Variants in LUC7L3 observed in about 807,000 individuals in gnomAD.
The protein encoded by LUC7L3 is LUC7 like 3 pre-mRNA splicing factor, also known as luc7-like protein 3.
A neutral mutation model predicts 66.8 loss-of-function variants in LUC7L3; 6 were observed. The observed-to-expected ratio is 0.09, with a 90% confidence interval of 0.05 to 0.18. The LOEUF is 0.18. Ranked by LOEUF, LUC7L3 falls within the 10% of genes least tolerant of loss-of-function variation. LUC7L3 has a pLI of 1.00. For missense variants in LUC7L3, 341 were observed against 531.1 expected (o/e 0.64, Z 3.52); for synonymous variants, 160 against 174.7 (o/e 0.92, Z 0.66).
chr17:50,748,362 G>A (rs2143055021), intron 9 of LUC7L3: 1 of 152,148 alleles, frequency 6.6e-6, no homozygotes, highest in East Asian at 1.9e-4. Context: ...TGTCACCCAG[G>A]CTGAGTGCAG....
At chr17:50,750,430 CT>C (rs758072465) in intron 9 of LUC7L3, 70 bp from the exon 10 acceptor site, 2 of 1,449,762 alleles carry the variant, frequency 1.4e-6, no homozygotes, top group South Asian at 1.3e-5. Flanking sequence ...AGTTGTTTCA[CT>C]TTTTTTCAAA....
At position 50,752,276 on chromosome 17, in the gene LUC7L3, AAG is replaced by A. The variant is rs1304132793; in HGVS notation, c.*1617_*1618del. ...GATCGACATTTAAAAAATGAGGTGA[AAG>A]AAAGCTATAGTGGCATAGAAAAAGT... On this transcript the variant is annotated 3_prime_UTR_variant, in exon 10 of 10. Transcript: ENST00000505658. 12 of 1,227,570 alleles carry A rather than the reference AAG, an allele frequency of 9.8e-6. No individual in the cohort carries two copies. The African/African-American group carries it at 1.9e-4, about 19-fold the overall frequency. 76.0% of individuals were successfully genotyped at this position (1,227,570 alleles called of 1,614,324 possible). A position where few individuals can be genotyped will look rare whatever the true frequency, so the allele number is the denominator to read the frequency against.
At chr17:50,750,426 T>A (rs1244572499) in intron 9 of LUC7L3, 75 bp from the exon 10 acceptor site, 1 of 1,385,738 alleles carries the variant, frequency 7.2e-7, no homozygotes, top group Non-Finnish European at 9.9e-7. Context: ...TCTCAGTTGT[T>A]TCACTTTTTT....
Position 50,752,305 on chromosome 17 carries a change from T to C in LUC7L3, c.*1644T>C. 1.0e-6 allele frequency: 1 copy of C among 983,884 alleles called. No individual in the cohort carries two copies. Among genetic ancestry groups the C allele is most frequent in the Middle Eastern group, 2.6e-4 (1 of 3,784 alleles). 60.9% of individuals were successfully genotyped at this position (983,884 alleles called of 1,614,324 possible). A position where few individuals can be genotyped will look rare whatever the true frequency, so the allele number is the denominator to read the frequency against. On this transcript the variant is annotated 3_prime_UTR_variant, in exon 10 of 10. Transcript: ENST00000505658. ...AAGCTATAGTGGCATAGAAAAAGTATAAAGCTCAGTTAGTTTTTTTATTAT... is the reference window on the plus strand; with the variant it reads ...AAGCTATAGTGGCATAGAAAAAGTACAAAGCTCAGTTAGTTTTTTTATTAT...
intron 5 of LUC7L3, among the ~76,000 whole-genome samples, chr17:50,743,048 T>G (rs1167915956): frequency 6.6e-6 from 1 of 152,176 alleles, no homozygotes; most frequent in African/African-American, 2.4e-5. Flanking sequence ...AAAGCAGATC[T>G]GTGGTTGCCT....
intron 2 of LUC7L3, 36 bp from the exon 3 acceptor site, chr17:50,740,270 C>A: frequency 2.7e-6 from 4 of 1,483,614 alleles, no homozygotes; most frequent in East Asian, 2.3e-5. Flanking sequence ...TGCTAATAAT[C>A]ACAGATAATT....
At chr17:50,740,447 G>C in intron 3 of LUC7L3, 102 bp downstream of exon 3, 3 of 1,122,264 alleles carry the variant, frequency 2.7e-6, no homozygotes, top group Non-Finnish European at 3.9e-6. Context: ...ATGAGTGTCT[G>C]AGAGAAGTCC....
intron 1 of LUC7L3, among the ~76,000 whole-genome samples, chr17:50,732,256 C>T (rs571602847): frequency 1.3e-5 from 2 of 152,270 alleles, no homozygotes; most frequent in South Asian, 4.1e-4. Context: ...TGGAGTTAAT[C>T]GGAAGTCAGC....
At chr17:50,741,822 T>G in intron 5 of LUC7L3, 91 bp downstream of exon 5, 1 of 992,262 alleles carries the variant, frequency 1.0e-6, no homozygotes, top group Non-Finnish European at 1.6e-6. Context: ...TGGTAACTCA[T>G]GTGTATAATC....
Position 50,753,836 on chromosome 17 carries a change from A to G in LUC7L3, c.*3175A>G, listed in dbSNP as rs575496827. 6.6e-6 allele frequency: 1 copy of G among 152,190 alleles called. No individual in the cohort carries two copies. The highest frequency in any genetic ancestry group is 1.5e-5 in the Non-Finnish European group (1 of 68,028). The allele number at this position is 152,190 out of a possible 1,614,324, so 9.4% of individuals were successfully genotyped here. A position where few individuals can be genotyped will look rare whatever the true frequency, so the allele number is the denominator to read the frequency against. ...ATCAACGTCTAACTAACTTAAATGAAGTATAATAAATGAGTTCATATGAAA... is the reference window on the plus strand; with the variant it reads ...ATCAACGTCTAACTAACTTAAATGAGGTATAATAAATGAGTTCATATGAAA... On this transcript the variant is annotated 3_prime_UTR_variant, in exon 10 of 10. Coordinates refer to ENST00000505658, the MANE Select transcript of LUC7L3 (RefSeq NM_016424.5).
intron 2 of LUC7L3, among the ~76,000 whole-genome samples, chr17:50,739,000 G>A (rs908036327): frequency 6.6e-6 from 1 of 152,088 alleles, no homozygotes. Context: ...ACATCCTCAG[G>A]GTGCTGAGTG....
intron 1 of LUC7L3, among the ~76,000 whole-genome samples, chr17:50,729,932 A>G (rs1439590553): frequency 6.8e-4 from 22 of 32,378 alleles, no homozygotes; most frequent in African/African-American, 1.3e-3. Flanking sequence ...ATATATATAT[A>G]TATATATATA....
intron 1 of LUC7L3, among the ~76,000 whole-genome samples, chr17:50,727,615 A>G (rs1433109737): frequency 6.6e-6 from 1 of 152,230 alleles, no homozygotes; most frequent in African/African-American, 2.4e-5. Context: ...CCTGTCAGAC[A>G]AAGTGGTCTT....
intron 1 of LUC7L3, among the ~76,000 whole-genome samples, chr17:50,728,975 T>G (rs1827615070): frequency 6.6e-6 from 1 of 152,212 alleles, no homozygotes; most frequent in Admixed American, 6.5e-5. Flanking sequence ...ACAGTAAGTC[T>G]GCATTTAACG....
At chr17:50,748,760 G>T (rs1180544995) in intron 9 of LUC7L3, among the ~76,000 whole-genome samples, 2 of 151,972 alleles carry the variant, frequency 1.3e-5, no homozygotes, top group Non-Finnish European at 2.9e-5. Context: ...CCCATGATTG[G>T]GTATGCTATG....
intron 9 of LUC7L3, among the ~76,000 whole-genome samples, chr17:50,749,789 C>T (rs1488310146): frequency 6.6e-6 from 1 of 152,160 alleles, no homozygotes; most frequent in African/African-American, 2.4e-5. Context: ...ACTACTTTTA[C>T]CTCTAGTCTG....
At chr17:50,729,624 C>A (rs961723389) in intron 1 of LUC7L3, among the ~76,000 whole-genome samples, 2 of 151,900 alleles carry the variant, frequency 1.3e-5, no homozygotes, top group Non-Finnish European at 2.9e-5. Flanking sequence ...GTTCACCTAC[C>A]GTGCACAGCT....
intron 1 of LUC7L3, among the ~76,000 whole-genome samples, chr17:50,724,752 T>TTC (rs1224126424): frequency 1.5e-5 from 2 of 132,148 alleles, no homozygotes; most frequent in African/African-American, 2.9e-5. Context: ...ATGAAATATT[T>TTC]TCTCTTTTTT....
rs1432294822 is a variant in LUC7L3, at chr17:50,743,761, T to C, written c.482T>C (p.Leu161Ser). Reference sequence around the variant, plus strand: ...GAAGAAGCCCAGGGGATGATGAAATTAGTTGAGCAATTAAAAGAAGAGAGA... The same window carrying C: ...GAAGAAGCCCAGGGGATGATGAAATCAGTTGAGCAATTAAAAGAAGAGAGA... ...KVEEAQGMMK[L>S]VEQLKEEREL... Residue 161 changes from leucine (L) to serine (S), a missense_variant, in exon 6 of 10, where the codon TTA becomes TCA. This residue lies in a region of LUC7L3 where 86 missense variants were observed against 172.0 expected (regional missense o/e 0.50). Coordinates refer to ENST00000505658, the MANE Select transcript of LUC7L3 (RefSeq NM_016424.5). 1 of 1,613,976 alleles carries C rather than the reference T, an allele frequency of 6.2e-7. No individual in the cohort carries two copies. The highest frequency in any genetic ancestry group is 8.5e-7 in the Non-Finnish European group (1 of 1,179,912).
Sources: allele counts gnomAD v4.1 joint callset (sites outside exome capture counted in the v4.1 genomes callset), GRCh38; gene constraint gnomAD v4.1.1; regional missense constraint gnomAD v4.1.1; transcripts MANE v1.5; gene names NCBI Gene and HGNC (gene_info 2026-07-23, HGNC 2026-07-21).